NUP155: variants seen among roughly 807,000 people sequenced by gnomAD.
NUP155 encodes nuclear pore complex protein Nup155.
A neutral mutation model predicts 180.4 loss-of-function variants in NUP155; 71 were observed. The observed-to-expected ratio is 0.39, with a 90% CI of 0.33 to 0.48. The LOEUF (loss-of-function observed/expected upper bound fraction) is 0.48, where lower values mean the gene tolerates loss of function less well. NUP155 is among the 20% of genes least tolerant of loss of function. The pLI, the probability that NUP155 is intolerant of heterozygous loss-of-function variation, is 0.91. For missense variants in NUP155, 1,553 were observed against 1,648.9 expected (o/e 0.94, Z 1.01); for synonymous variants, 582 against 559.5 (o/e 1.04, Z -0.57).
At chr5:37,299,357 C>T (rs1373039894) in intron 31 of NUP155, 91 bp downstream of exon 31, 8 of 1,471,594 alleles carry the variant, frequency 5.4e-6, no homozygotes, top group Non-Finnish European at 7.6e-6. Flanking sequence ...GAGCCACTAG[C>T]AGCTTGCATT....
chr5:37,318,046 C>A lies in NUP155; in HGVS notation c.2247G>T (p.Met749Ile). Residue 749 changes from methionine (M) to isoleucine (I), a missense_variant, in exon 21 of 35, where the codon ATG becomes ATT. Met to Ile is a conservative substitution (Grantham distance 10). Coordinates refer to ENST00000231498, the MANE Select transcript of NUP155 (RefSeq NM_153485.3). Reference sequence around the variant, plus strand: ...GCTGGGGATTTCCGTTTTCAGGACGCATGAATCCTATCAGCCTCTGCTGCA... The same window carrying A: ...GCTGGGGATTTCCGTTTTCAGGACGAATGAATCCTATCAGCCTCTGCTGCA... Reference protein sequence around the residue: ...AKVQQRLIGFMRPENGNPQQM... With the variant: ...AKVQQRLIGFIRPENGNPQQM... 6.2e-7 allele frequency: 1 copy of A among 1,612,894 alleles called. No individual in the cohort carries two copies. Among genetic ancestry groups the A allele is most frequent in the Non-Finnish European group, 8.5e-7 (1 of 1,178,892 alleles).
chr5:37,320,203 C>T (rs7730242), intron 20 of NUP155, among the ~76,000 whole-genome samples: 9,544 of 148,740 alleles, frequency 0.064, 964 homozygotes, highest in African/African-American at 0.22. Flanking sequence ...AGTGGCAGGG[C>T]GCAGCGGCTC....
In NUP155 at chr5:37,291,881, T is replaced by C. The variant is rs216391; in HGVS notation, c.*19A>G. On this transcript the variant is annotated 3_prime_UTR_variant, in exon 35 of 35. Transcript: ENST00000231498. ...TTTATTTTACAGATCATAAAACGGA[T>C]GAAAGTATATCACAGTAATTAATGA... The C allele has an allele frequency of 5.3e-3, 8,539 of 1,611,708 alleles. 415 individuals carry two copies. The African/African-American group carries it at 0.1, about 19-fold the overall frequency.
At chr5:37,330,339 TTC>T (rs949613703) in intron 14 of NUP155, among the ~76,000 whole-genome samples, 2 of 152,188 alleles carry the variant, frequency 1.3e-5, no homozygotes, top group African/African-American at 4.8e-5. Flanking sequence ...TTACAGGATG[TTC>T]TCTTTTCCTT....
rs763725014 is a variant in NUP155, at chr5:37,302,974, A to G, written c.3318-66T>C. 48 of 1,524,204 alleles carry G rather than the reference A, an allele frequency of 3.1e-5. No homozygotes were observed. The Middle Eastern group carries it at 2.2e-3, about 70-fold the overall frequency. The allele number at this position is 1,524,204 out of a possible 1,614,324, so 94.4% of individuals were successfully genotyped here. A position where few individuals can be genotyped will look rare whatever the true frequency, so the allele number is the denominator to read the frequency against. On this transcript the variant is annotated intron_variant, in intron 28 of 34. Transcript: ENST00000231498. ...AAGGATTGATGATACAAATACGTCA[A>G]TTAGTATGTACTGTTTCATACCAAA...
intron 33 of NUP155, 35 bp from the exon 34 acceptor site, chr5:37,293,020 A>T: frequency 7.8e-7 from 1 of 1,275,096 alleles, no homozygotes; most frequent in Non-Finnish European, 1.1e-6. Flanking sequence ...ATGTGAGGCA[A>T]ATTGTGTCAA....
intron 13 of NUP155, 107 bp from the exon 14 acceptor site, chr5:37,331,902 A>T (rs1744988434): frequency 2.7e-6 from 2 of 749,586 alleles, no homozygotes; most frequent in East Asian, 5.4e-5. Context: ...AAAAAAAACC[A>T]TTCAACAATA....
intron 32 of NUP155, among the ~76,000 whole-genome samples, chr5:37,295,871 G>C (rs1463996642): frequency 6.7e-6 from 1 of 149,136 alleles, no homozygotes; most frequent in Non-Finnish European, 1.5e-5. Flanking sequence ...GTCCGGGAGG[G>C]AGGTTGGGGG....
At chr5:37,295,538 T>G (rs1255662210) in intron 32 of NUP155, among the ~76,000 whole-genome samples, 1 of 145,886 alleles carries the variant, frequency 6.9e-6, no homozygotes, top group Non-Finnish European at 1.5e-5. Context: ...CCCCTCTGCC[T>G]GGCTGCCCAG....
intron 23 of NUP155, 66 bp downstream of exon 23, chr5:37,310,486 C>A: frequency 1.5e-6 from 2 of 1,340,790 alleles, no homozygotes; most frequent in Admixed American, 1.7e-5. Flanking sequence ...TTAAGTGAAA[C>A]AAGATGGTTC....
intron 5 of NUP155, 96 bp from the exon 6 acceptor site, chr5:37,351,452 CTTT>C (rs369868879): frequency 2.4e-5 from 17 of 719,862 alleles, no homozygotes; most frequent in Admixed American, 8.5e-5. Flanking sequence ...TTACTCAATT[CTTT>C]TTTTTTTTTC....
In NUP155 at chr5:37,333,443, A is replaced by G. The variant is rs773993239; in HGVS notation, c.1518+20T>C. 6 of 1,609,294 alleles carry G rather than the reference A, an allele frequency of 3.7e-6. No individual in the cohort carries two copies. The highest frequency in any genetic ancestry group is 1.1e-5 in the South Asian group (1 of 90,974). On this transcript the variant is annotated intron_variant, in intron 13 of 34. Transcript: ENST00000231498. ...TACATCGCTTATTTTTGTCACTACC[A>G]TAACAGAATACGTACACACCTGTGC... is the stretch of plus-strand genomic sequence containing the variant.
chr5:37,346,998 C>T (rs553414551), intron 9 of NUP155, among the ~76,000 whole-genome samples: 13 of 152,164 alleles, frequency 8.5e-5, no homozygotes, highest in Admixed American at 4.6e-4. Context: ...GAGGCCAGAG[C>T]GGGTGTATTG....
chr5:37,349,014 C>G (rs1054291746), intron 8 of NUP155, among the ~76,000 whole-genome samples, 158 bp downstream of exon 8: 1 of 151,690 alleles, frequency 6.6e-6, no homozygotes, highest in Admixed American at 6.6e-5. Context: ...CCTTGGCCTC[C>G]CAAAGTGCTG....
intron 9 of NUP155, among the ~76,000 whole-genome samples, chr5:37,343,892 A>AG (rs1745906210): frequency 6.6e-6 from 1 of 152,138 alleles, no homozygotes; most frequent in Non-Finnish European, 1.5e-5. Context: ...CTCTATCTCA[A>AG]GGGGGAAAAA....
chr5:37,318,175 C>A, intron 20 of NUP155, 90 bp from the exon 21 acceptor site: 1 of 879,532 alleles, frequency 1.1e-6, no homozygotes, highest in Non-Finnish European at 1.9e-6. Context: ...AATATGTTTA[C>A]TTTTTTTAAA....
intron 12 of NUP155, among the ~76,000 whole-genome samples, chr5:37,336,641 G>C (rs981383015): frequency 1.3e-5 from 2 of 151,954 alleles, no homozygotes; most frequent in African/African-American, 2.4e-5. Context: ...ACCAGGACAG[G>C]GTTTATATCT....
At chr5:37,322,584 G>A (rs1581159241) in intron 20 of NUP155, among the ~76,000 whole-genome samples, 1 of 152,038 alleles carries the variant, frequency 6.6e-6, no homozygotes, top group Admixed American at 6.6e-5. Context: ...GCAAGCGCCT[G>A]TAGTCCCAGC....
intron 3 of NUP155, among the ~76,000 whole-genome samples, chr5:37,362,338 G>A (rs2111706446): frequency 6.6e-6 from 1 of 151,872 alleles, no homozygotes; most frequent in Middle Eastern, 3.4e-3. Flanking sequence ...GCCCAGGCTG[G>A]AGTGCAATGG....
Sources: allele counts gnomAD v4.1 joint callset (sites outside exome capture counted in the v4.1 genomes callset), GRCh38; gene constraint gnomAD v4.1.1; transcripts MANE v1.5; gene names NCBI Gene and HGNC (gene_info 2026-07-23, HGNC 2026-07-21).